PTPN4: variants seen among roughly 807,000 people sequenced by gnomAD.
The protein encoded by PTPN4 is tyrosine-protein phosphatase non-receptor type 4.
PTPN4 carries 49 observed loss-of-function variants against 135.5 expected under a neutral mutation model. The observed-to-expected ratio is 0.36, with a 90% CI of 0.29 to 0.46. The LOEUF (loss-of-function observed/expected upper bound fraction) is 0.46, where lower values mean the gene tolerates loss of function less well. Among genes scored for constraint, PTPN4 ranks in the 20% least tolerant of loss-of-function variants. PTPN4 has a pLI of 1.00. For missense variants in PTPN4, 860 were observed against 1,101.0 expected (o/e 0.78, Z 3.10); for synonymous variants, 333 against 369.9 (o/e 0.90, Z 1.14).
intron 2 of PTPN4, among the ~76,000 whole-genome samples, chr2:119,848,026 G>A (rs1467320236): frequency 1.3e-5 from 2 of 150,944 alleles, no homozygotes; most frequent in East Asian, 1.9e-4. Flanking sequence ...TTTTTTGGGG[G>A]CATTTTTACT....
intron 2 of PTPN4, among the ~76,000 whole-genome samples, chr2:119,851,713 C>T (rs1574369929): frequency 6.6e-6 from 1 of 152,196 alleles, no homozygotes; most frequent in Non-Finnish European, 1.5e-5. Context: ...TTATTGGATG[C>T]CCTTTTTACT....
chr2:119,855,131 T>G (rs1458316299), intron 2 of PTPN4, among the ~76,000 whole-genome samples: 2 of 152,158 alleles, frequency 1.3e-5, no homozygotes, highest in Admixed American at 1.3e-4. Flanking sequence ...CTATAGAATT[T>G]CTCATCCATG....
intron 24 of PTPN4, among the ~76,000 whole-genome samples, chr2:119,964,219 A>C (rs1284386394): frequency 6.6e-6 from 1 of 152,190 alleles, no homozygotes; most frequent in African/African-American, 2.4e-5. Flanking sequence ...AGGTCCTCTC[A>C]TGGAGTCTTT....
intron 12 of PTPN4, 103 bp from the exon 13 acceptor site, chr2:119,926,495 T>G: frequency 1.4e-6 from 1 of 690,662 alleles, no homozygotes; most frequent in South Asian, 3.3e-5. Context: ...CTGCTAGAAA[T>G]GTCTTGTCTC....
At chr2:119,913,691 C>G (rs1194453359) in intron 10 of PTPN4, among the ~76,000 whole-genome samples, 1 of 152,066 alleles carries the variant, frequency 6.6e-6, no homozygotes, top group African/African-American at 2.4e-5. Context: ...TGTAAAACCT[C>G]TGATGTCAAG....
rs1679656517 is a variant in PTPN4 at position 119,979,115 on chromosome 2, G to A, written c.*2045G>A. On this transcript the variant is annotated 3_prime_UTR_variant, in exon 27 of 27. Coordinates refer to ENST00000263708, the MANE Select transcript of PTPN4 (RefSeq NM_002830.4). ...TATAATTTAGGCTGCTATATGACAT[G>A]ATAAATTAAAAACTGAGAAAGTAAA... is the stretch of plus-strand genomic sequence containing the variant. 1 of 152,036 alleles carries A rather than the reference G, an allele frequency of 6.6e-6. No homozygotes were observed. The highest frequency in any genetic ancestry group is 2.4e-5 in the African/African-American group (1 of 41,432). 9.4% of individuals were successfully genotyped at this position (152,036 alleles called of 1,614,324 possible).
intron 14 of PTPN4, among the ~76,000 whole-genome samples, chr2:119,933,896 C>A (rs1678944229): frequency 6.6e-6 from 1 of 152,034 alleles, no homozygotes; most frequent in Non-Finnish European, 1.5e-5. Flanking sequence ...TATTCAAAGC[C>A]TCATTAGCTT....
chr2:119,963,945 C>T (rs1043541661), intron 24 of PTPN4, among the ~76,000 whole-genome samples: 3 of 152,122 alleles, frequency 2.0e-5, no homozygotes, highest in African/African-American at 7.2e-5. Flanking sequence ...ACCCTGAGTA[C>T]ATTAGAACTA....
At position 119,984,382 on chromosome 2, in the gene PTPN4, T is replaced by TA. The variant is rs1441077633; in HGVS notation, c.*7313dup. On this transcript the variant is annotated 3_prime_UTR_variant, in exon 27 of 27. Coordinates refer to ENST00000263708, the MANE Select transcript of PTPN4 (RefSeq NM_002830.4). ...AGTCTAGCTTATGTCATAATTAAGA[T>TA]ACAATTATTCATTTCATGTTTGATT... Among the ~76,000 whole-genome samples, 11 of 152,202 alleles carry TA rather than the reference T, an allele frequency of 7.2e-5. No homozygotes were observed. Among genetic ancestry groups the TA allele is most frequent in the African/African-American group, 2.7e-4 (11 of 41,458 alleles).
At chr2:119,975,058 G>A (rs952394909) in intron 26 of PTPN4, among the ~76,000 whole-genome samples, 5 of 152,056 alleles carry the variant, frequency 3.3e-5, no homozygotes, top group African/African-American at 1.2e-4. Context: ...TGCCCTTTGA[G>A]TATATTCTCC....
In PTPN4 at chr2:119,965,596, G is replaced by A; in HGVS notation, c.2509G>A (p.Val837Ile). The A allele has an allele frequency of 6.2e-7, 1 of 1,614,124 alleles. No individual in the cohort carries two copies. The highest frequency in any genetic ancestry group is 1.7e-5 in the Admixed American group (1 of 60,014). Residue 837 changes from valine (V) to isoleucine (I), a missense_variant, in exon 25 of 27, where the codon GTA (valine) becomes ATA (isoleucine). This residue lies in a region of PTPN4 where 176 missense variants were observed against 294.1 expected (regional missense o/e 0.60). Transcript: ENST00000263708. ...TGACTTTCTAGATTTTGTTTGTCAT[G>A]TACGAAACAAGAGGGCTGGCAAGGA... is the stretch of plus-strand genomic sequence containing the variant. ...SSDFLDFVCHVRNKRAGKEEP... is the reference protein window; with the variant it reads ...SSDFLDFVCHIRNKRAGKEEP...
At chr2:119,965,104 AATC>A (rs1679426998) in intron 24 of PTPN4, among the ~76,000 whole-genome samples, 2 of 152,092 alleles carry the variant, frequency 1.3e-5, no homozygotes, top group South Asian at 4.2e-4. Context: ...AGGTGGATGA[AATC>A]ATCAGGAGGT....
At chr2:119,923,788 G>A (rs1327201646) in intron 12 of PTPN4, among the ~76,000 whole-genome samples, 4 of 152,040 alleles carry the variant, frequency 2.6e-5, no homozygotes, top group Admixed American at 2.0e-4. Flanking sequence ...AATTATAACT[G>A]CAGAATAAAA....
intron 1 of PTPN4, among the ~76,000 whole-genome samples, chr2:119,777,377 C>G (rs937702624): frequency 6.6e-6 from 1 of 152,168 alleles, no homozygotes; most frequent in Non-Finnish European, 1.5e-5. Context: ...GGCTGTTCTC[C>G]TTTGCTTACC....
chr2:119,891,977 G>A (rs370308615), intron 9 of PTPN4, among the ~76,000 whole-genome samples: 2 of 152,126 alleles, frequency 1.3e-5, no homozygotes, highest in Non-Finnish European at 1.5e-5. Flanking sequence ...GTTGAGTAGG[G>A]TACATAGACT....
intron 2 of PTPN4, among the ~76,000 whole-genome samples, chr2:119,825,879 C>T (rs1677139610): frequency 6.6e-6 from 1 of 152,136 alleles, no homozygotes; most frequent in Non-Finnish European, 1.5e-5. Context: ...TGTTTCATCT[C>T]TATATGTCAT....
intron 1 of PTPN4, among the ~76,000 whole-genome samples, chr2:119,778,170 T>A (rs1424875722): frequency 1.3e-5 from 2 of 152,200 alleles, no homozygotes; most frequent in Non-Finnish European, 2.9e-5. Flanking sequence ...CTGGTAGTAC[T>A]TATGAAAGAT....
At chr2:119,863,099 G>T (rs1356660325) in intron 3 of PTPN4, among the ~76,000 whole-genome samples, 1 of 151,998 alleles carries the variant, frequency 6.6e-6, no homozygotes, top group Non-Finnish European at 1.5e-5. Flanking sequence ...AAATAAGATA[G>T]AGATTAAATT....
At chr2:119,939,111 A>G (rs1335004262) in intron 15 of PTPN4, among the ~76,000 whole-genome samples, 1 of 152,194 alleles carries the variant, frequency 6.6e-6, no homozygotes, top group Non-Finnish European at 1.5e-5. Flanking sequence ...ATAATTATAT[A>G]GCTTTTTTCA....
Sources: gnomAD v4.1 joint callset for allele counts (sites outside exome capture counted in the v4.1 genomes callset) on GRCh38, gnomAD v4.1.1 for gene constraint, gnomAD v4.1.1 regional missense constraint, MANE v1.5 for transcripts, NCBI Gene and HGNC (gene_info 2026-07-23, HGNC 2026-07-21) for gene names.